VPS54: variants seen among roughly 807,000 people sequenced by gnomAD.
VPS54 encodes VPS54 subunit of GARP complex, also known as vacuolar protein sorting-associated protein 54.
VPS54 carries 45 observed loss-of-function variants against 121.5 expected under a neutral mutation model. The observed-to-expected ratio is 0.37, with a 90% CI of 0.29 to 0.47. The LOEUF is 0.47. Among genes scored for constraint, VPS54 ranks in the 20% least tolerant of loss-of-function variants. The pLI is 0.99. For missense variants in VPS54, 1,090 were observed against 1,131.4 expected, an observed-to-expected ratio of 0.96 and a Z score of 0.52; for synonymous variants, 371 against 385.8, an observed-to-expected ratio of 0.96 and a Z score of 0.45.
intron 20 of VPS54, among the ~76,000 whole-genome samples, chr2:63,904,234 A>G (rs6730664): frequency 0.23 from 35,216 of 151,736 alleles, 4,512 homozygotes; most frequent in Non-Finnish European, 0.26. Flanking sequence ...GAGGTCAGGA[A>G]TTGAGACCAG....
At chr2:64,014,641 C>A (rs1260929025) in intron 1 of VPS54, among the ~76,000 whole-genome samples, 2 of 152,226 alleles carry the variant, frequency 1.3e-5, no homozygotes, top group Non-Finnish European at 2.9e-5. Flanking sequence ...TACATTCCTG[C>A]CTTTGACAAC....
intron 1 of VPS54, among the ~76,000 whole-genome samples, chr2:63,988,270 A>T (rs1644792505): frequency 6.6e-6 from 1 of 152,174 alleles, no homozygotes; most frequent in Admixed American, 6.5e-5. Context: ...ATCAATTGAT[A>T]TGTTTTTTCT....
rs147538400 is a variant in VPS54, at chr2:64,003,952, G to A, written c.-21+14986C>T. 9.0e-3 allele frequency among the ~76,000 whole-genome samples: 1,376 copies of A among 152,216 alleles called. 10 individuals are homozygous for A. The highest frequency in any genetic ancestry group is 0.015 in the Non-Finnish European group (993 of 68,018). On this transcript the variant is annotated intron_variant, in intron 1 of 22. Coordinates refer to ENST00000272322, the MANE Select transcript of VPS54 (RefSeq NM_016516.3). ...GAACCAGGACTCTTTGAAAGAATAT[G>A]TAACTCCAGACATGGAATACAGAAA...
intron 11 of VPS54, among the ~76,000 whole-genome samples, chr2:63,935,510 C>G (rs929681796): frequency 1.3e-5 from 2 of 152,120 alleles, no homozygotes; most frequent in African/African-American, 4.8e-5. Context: ...TTCCTTATCT[C>G]TTCTGTCTTG....
chr2:63,921,093 T>C (rs1281603189), intron 13 of VPS54, 113 bp downstream of exon 13: 45 of 1,177,254 alleles, frequency 3.8e-5, no homozygotes, highest in Non-Finnish European at 4.9e-5. Context: ...ACTGACTTTA[T>C]TAAATGTTAA....
intron 1 of VPS54, among the ~76,000 whole-genome samples, chr2:63,999,550 T>G (rs1183679584): frequency 6.6e-6 from 1 of 152,194 alleles, no homozygotes; most frequent in Admixed American, 6.5e-5. Flanking sequence ...ATTTTATTAT[T>G]AAATGTCTCG....
chr2:63,926,450 A>C (rs1673906826), intron 12 of VPS54, among the ~76,000 whole-genome samples: 1 of 152,330 alleles, frequency 6.6e-6, no homozygotes, highest in Non-Finnish European at 1.5e-5. Context: ...TTTATGCTGT[A>C]ACTGTGACCT....
intron 22 of VPS54, 37 bp from the exon 23 acceptor site, chr2:63,893,572 A>G: frequency 1.9e-6 from 3 of 1,562,580 alleles, no homozygotes; most frequent in African/African-American, 1.4e-5. Context: ...TTAAATCTCA[A>G]ACTTTCTATT....
intron 12 of VPS54, among the ~76,000 whole-genome samples, chr2:63,923,312 A>C (rs893677538): frequency 5.9e-4 from 89 of 152,080 alleles, no homozygotes; most frequent in Non-Finnish European, 3.8e-4. Flanking sequence ...TGAGGAAAAA[A>C]AAAAAGAAAA....
intron 20 of VPS54, among the ~76,000 whole-genome samples, chr2:63,909,669 C>T (rs554039663): frequency 3.3e-5 from 5 of 149,870 alleles, no homozygotes; most frequent in Admixed American, 6.7e-5. Flanking sequence ...CCACCCACCT[C>T]GGCCTCCCAA....
chr2:63,933,644 GT>G, intron 12 of VPS54, 28 bp downstream of exon 12: 1 of 1,577,072 alleles, frequency 6.3e-7, no homozygotes, highest in Non-Finnish European at 8.6e-7. Context: ...TCAAAATCTT[GT>G]CAATTTGGCA....
intron 1 of VPS54, among the ~76,000 whole-genome samples, chr2:63,989,705 A>G (rs1373994891): frequency 3.3e-5 from 5 of 152,184 alleles, no homozygotes; most frequent in Admixed American, 1.3e-4. Flanking sequence ...CAGGTTAACT[A>G]CGGGTCACAC....
At chr2:63,942,683 A>ACC (rs1422153879) in intron 10 of VPS54, 122 bp from the exon 11 acceptor site, 1 of 762,998 alleles carries the variant, frequency 1.3e-6, no homozygotes, top group African/African-American at 1.9e-5. Flanking sequence ...TCATCTAGAT[A>ACC]CCTAACTAAA....
At position 63,933,969 on chromosome 2, in the gene VPS54, G is replaced by A. The variant is rs752112318; in HGVS notation, c.1443C>T (p.Asp481=). 2 of 1,613,462 alleles carry A rather than the reference G, an allele frequency of 1.2e-6. No homozygotes were observed. Among genetic ancestry groups the A allele is most frequent in the Non-Finnish European group, 1.7e-6 (2 of 1,179,688 alleles). Residue 481 remains aspartate, a synonymous_variant, in exon 12 of 23, where the codon GAC becomes GAT. Transcript: ENST00000272322. The part of the protein sequence containing the change: ...IIHSVVLSVL[D]KNQRTRELEE... ...CCAATTCTCTAGTCCTTTGGTTTTTGTCAAGAACTGAGAGAACAACACTGT... is the reference window on the plus strand; with the variant it reads ...CCAATTCTCTAGTCCTTTGGTTTTTATCAAGAACTGAGAGAACAACACTGT...
At chr2:63,956,105 T>A (rs1675479070) in intron 7 of VPS54, among the ~76,000 whole-genome samples, 1 of 152,184 alleles carries the variant, frequency 6.6e-6, no homozygotes, top group Non-Finnish European at 1.5e-5. Flanking sequence ...GCTGTTCTTA[T>A]CAGAAAACCT....
chr2:63,949,728 G>C (rs540589333), intron 7 of VPS54, among the ~76,000 whole-genome samples: 5 of 152,230 alleles, frequency 3.3e-5, no homozygotes, highest in African/African-American at 9.6e-5. Flanking sequence ...GGTGGAAGTG[G>C]AGGCAGAAGA....
At chr2:63,909,005 CTCAACT>C (rs1673020128) in intron 20 of VPS54, among the ~76,000 whole-genome samples, 1 of 152,178 alleles carries the variant, frequency 6.6e-6, no homozygotes, top group South Asian at 2.1e-4. Context: ...ATCTGTTCTC[CTCAACT>C]TCATTTGCCC....
At chr2:63,948,659 T>C (rs1401929933) in intron 8 of VPS54, among the ~76,000 whole-genome samples, 3 of 152,004 alleles carry the variant, frequency 2.0e-5, no homozygotes, top group African/African-American at 7.2e-5. Context: ...CCTCAGCCTC[T>C]CAAACTGCTG....
In VPS54 at chr2:63,927,147, G is replaced by C. The variant is rs545573069; in HGVS notation, c.1740-5812C>G. On this transcript the variant is annotated intron_variant, in intron 12 of 22. Transcript: ENST00000272322. ...CATCCCTGCCTGAGAGCTCTGAAGA[G>C]AGCTGTGGTTCTCCCAGCACAGTGT... 8.1e-4 allele frequency among the ~76,000 whole-genome samples: 123 copies of C among 152,304 alleles called. 3 individuals carry two copies. In the South Asian group the frequency reaches 0.025, roughly 31 times the overall value.
Sources: gnomAD v4.1 joint callset for allele counts (sites outside exome capture counted in the v4.1 genomes callset) on GRCh38, gnomAD v4.1.1 for gene constraint, MANE v1.5 for transcripts, NCBI Gene and HGNC (gene_info 2026-07-23, HGNC 2026-07-21) for gene names.